Variants in MUC5AC observed in about 807,000 individuals in gnomAD.
MUC5AC encodes mucin-5AC.
In MUC5AC, 158 loss-of-function variants were observed where a neutral mutation model predicts 169.7. That is an observed-to-expected ratio of 0.93 (90% CI 0.82 to 1.06). MUC5AC has a LOEUF of 1.06. Among genes scored for constraint, MUC5AC ranks in the 50% least tolerant of loss-of-function variants. The probability of loss-of-function intolerance (pLI) is 0.00; values close to 1 mark genes in which losing one functional copy is unlikely to be tolerated. For synonymous variants in MUC5AC, 1,975 were observed against 1,237.0 expected, an observed-to-expected ratio of 1.60 and a Z score of -12.52; for missense variants, 4,359 against 3,089.9, an observed-to-expected ratio of 1.41 and a Z score of -9.74.
Position 1,192,277 on chromosome 11 carries a change from C to G in MUC5AC, c.14132C>G (p.Pro4711Arg), listed in dbSNP as rs1861137207. The G allele has an allele frequency of 9.1e-6, 7 of 765,102 alleles. No homozygotes were observed. The highest frequency in any genetic ancestry group is 1.7e-5 in the Non-Finnish European group (7 of 417,894). 47.4% of individuals were successfully genotyped at this position (765,102 alleles called of 1,614,324 possible). ...LVCRNQDQQG[P>R]FKMCLNYEVR... ...TGCCGGAACCAGGACCAGCAGGGAC[C>G]CTTCAAGATGTGCCTCAACTACGAG... The change falls in exon 31 of 49, where the codon CCC becomes CGC. Residue 4711 changes from proline to arginine, a missense_variant. Coordinates refer to ENST00000621226, the MANE Select transcript of MUC5AC (RefSeq NM_001304359.2).
At chr11:1,164,350 C>T (rs1860239643) in intron 8 of MUC5AC, 31 bp downstream of exon 8, 5 of 1,611,978 alleles carry the variant, frequency 3.1e-6, no homozygotes, top group Non-Finnish European at 4.2e-6. Flanking sequence ...TCCCCCAACC[C>T]CTTTGGCAGG....
chr11:1,199,035 T>C, intron 44 of MUC5AC, 39 bp downstream of exon 44: 1 of 763,220 alleles, frequency 1.3e-6, no homozygotes, highest in Non-Finnish European at 2.4e-6. Context: ...GCCCTGGCTC[T>C]TGGGGGGCAG....
chr11:1,194,058 C>A (rs1041457280), intron 33 of MUC5AC, 52 bp from the exon 34 acceptor site: 41 of 755,528 alleles, frequency 5.4e-5, no homozygotes, highest in Non-Finnish European at 9.7e-5. Flanking sequence ...AGCCCCAGGG[C>A]CATGGTGCCA....
rs757249595 is a variant in MUC5AC at position 1,168,940 on chromosome 11, C to T, written c.1784C>T (p.Ala595Val). Residue 595 changes from alanine (A) to valine (V), a missense_variant, in exon 15 of 49, where the codon GCC becomes GTC. Coordinates refer to ENST00000621226, the MANE Select transcript of MUC5AC (RefSeq NM_001304359.2). ...LSGVVEATAA[A>V]FFNTFKTQAA... ...GGGGTGGTGGAGGCCACCGCTGCGG[C>T]CTTCTTCAACACCTTCAAGACCCAG... 9 of 1,611,714 alleles carry T rather than the reference C, an allele frequency of 5.6e-6. No homozygotes were observed. The South Asian group carries it at 9.9e-5, about 18-fold the overall frequency.
rs1038557606 is a variant in MUC5AC, at chr11:1,181,454, C to T, written c.4004C>T (p.Pro1335Leu). 13 of 385,066 alleles carry T rather than the reference C, an allele frequency of 3.4e-5. No homozygotes were observed. Among genetic ancestry groups the T allele is most frequent in the Admixed American group, 1.4e-4 (3 of 21,536 alleles). The allele number at this position is 385,066 out of a possible 1,614,324, so 23.9% of individuals were successfully genotyped here. A position where few individuals can be genotyped will look rare whatever the true frequency, so the allele number is the denominator to read the frequency against. ...PPTTFSFSTP[P>L]LVVSSTHTPS... ...ACCACCTTCTCCTTCTCCACACCCC[C>T]GCTTGGTAAGGCAAATGTGGCCGAG... is the stretch of plus-strand genomic sequence containing the variant. Residue 1335 changes from proline (P) to leucine (L), a missense_variant, in exon 30 of 49, where the codon CCG becomes CTG. Coordinates refer to ENST00000621226, the MANE Select transcript of MUC5AC (RefSeq NM_001304359.2).
chr11:1,192,091 G>A lies in MUC5AC; in HGVS notation c.13946G>A (p.Gly4649Glu), dbSNP rs1861129508. Reference protein sequence around the residue: ...VDFPSPGPHGGDKETYNNIIR... With the variant: ...VDFPSPGPHGEDKETYNNIIR... ...TTCCCATCCCCTGGACCCCACGGCG[G>A]GGACAAGGAAACCTACAACAACATC... Residue 4649 changes from glycine (G) to glutamate (E), a missense_variant, in exon 31 of 49, where the codon GGG becomes GAG. Coordinates refer to ENST00000621226, the MANE Select transcript of MUC5AC (RefSeq NM_001304359.2). The A allele has an allele frequency of 1.3e-6, 1 of 764,972 alleles. No individual in the cohort carries two copies. The highest frequency in any genetic ancestry group is 1.3e-5 in the South Asian group (1 of 74,630). 47.4% of individuals were successfully genotyped at this position (764,972 alleles called of 1,614,324 possible).
At chr11:1,160,566 C>A in intron 1 of MUC5AC, 46 bp from the exon 2 acceptor site, 3 of 1,549,008 alleles carry the variant, frequency 1.9e-6, no homozygotes, top group South Asian at 2.3e-5. Flanking sequence ...CCTGAGCCCC[C>A]TCAGCCACCC....
rs1370725148 is a variant in MUC5AC, at chr11:1,162,138, C to T, written c.443C>T (p.Thr148Ile). The stretch of plus-strand genomic sequence containing the variant: ...GTGGATGGCGTGGTCATCCAGCTGA[C>T]CAAGGGCTCCGTCCTGGTCAACGGC... ...MKVDGVVIQLTKGSVLVNGHP... is the reference protein window; with the variant it reads ...MKVDGVVIQLIKGSVLVNGHP... Residue 148 changes from threonine (T) to isoleucine (I), a missense_variant, in exon 4 of 49, where the codon ACC (threonine) becomes ATC (isoleucine). Physicochemically the swap from Thr to Ile is moderately conservative, Grantham distance 89. Transcript: ENST00000621226. 2 of 1,612,558 alleles carry T rather than the reference C, an allele frequency of 1.2e-6. No homozygotes were observed. Among genetic ancestry groups the T allele is most frequent in the Non-Finnish European group, 1.7e-6 (2 of 1,179,840 alleles).
At position 1,162,159 on chromosome 11, in the gene MUC5AC, A is replaced by G; in HGVS notation, c.464A>G (p.Asn155Ser). 1.2e-6 allele frequency: 2 copies of G among 1,610,152 alleles called. No individual in the cohort carries two copies. Among genetic ancestry groups the G allele is most frequent in the Non-Finnish European group, 8.5e-7 (1 of 1,178,006 alleles). Reference protein sequence around the residue: ...IQLTKGSVLVNGHPVLLPFSQ... With the variant: ...IQLTKGSVLVSGHPVLLPFSQ... ...CTGACCAAGGGCTCCGTCCTGGTCA[A>G]CGGCCACCCGTGAGTCTGGGTTCTG... The change falls in exon 4 of 49, where the codon AAC (asparagine) becomes AGC (serine). Residue 155 changes from asparagine to serine, a missense_variant. Physicochemically the swap from Asn to Ser is conservative, Grantham distance 46. Coordinates refer to ENST00000621226, the MANE Select transcript of MUC5AC (RefSeq NM_001304359.2).
rs1360011816 is a variant in MUC5AC at position 1,200,516 on chromosome 11, C to A, written c.16779C>A (p.Thr5593=). ...TGCGGACCTCGCTGAGGAATGTGAC[C>A]CTGCACTGCACCGACGGCTCCAGCC... ...QELRTSLRNV[T]LHCTDGSSRA... is the part of the protein sequence containing the mutation. The change falls in exon 49 of 49, where the codon ACC becomes ACA. Residue 5593 remains threonine, a synonymous_variant. Coordinates refer to ENST00000621226, the MANE Select transcript of MUC5AC (RefSeq NM_001304359.2). 1 of 758,774 alleles carries A rather than the reference C, an allele frequency of 1.3e-6. No individual in the cohort carries two copies. The highest frequency in any genetic ancestry group is 2.4e-6 in the Non-Finnish European group (1 of 415,132). 47.0% of individuals were successfully genotyped at this position (758,774 alleles called of 1,614,324 possible). A position where few individuals can be genotyped will look rare whatever the true frequency, so the allele number is the denominator to read the frequency against.
At chr11:1,171,924 C>CACTCACCTACTCACTT (rs1239350916) in intron 15 of MUC5AC, among the ~76,000 whole-genome samples, 1 of 149,068 alleles carries the variant, frequency 6.7e-6, no homozygotes, top group South Asian at 2.2e-4. Context: ...CCTACTCACT[C>CACTCACCTACTCACTT]ACTCACTCAT....
intron 1 of MUC5AC, among the ~76,000 whole-genome samples, chr11:1,159,816 C>T (rs1178820739): frequency 1.7e-5 from 1 of 58,034 alleles, no homozygotes; most frequent in South Asian, 6.9e-4. Flanking sequence ...CAGGGCTGTG[C>T]AGGGCTGGCG....
intron 15 of MUC5AC, among the ~76,000 whole-genome samples, chr11:1,170,122 C>A (rs1860459508): frequency 2.5e-5 from 3 of 118,260 alleles, no homozygotes; most frequent in Non-Finnish European, 3.5e-5. Context: ...CACCCATTCA[C>A]CCATTCACTC....
chr11:1,194,080 A>T (rs1861194092), intron 33 of MUC5AC, 30 bp from the exon 34 acceptor site: 2 of 759,992 alleles, frequency 2.6e-6, no homozygotes, highest in Non-Finnish European at 4.8e-6. Flanking sequence ...CACCCGAGCC[A>T]CCCGTAAGGC....
chr11:1,189,560 C>A lies in MUC5AC; in HGVS notation c.11415C>A (p.Thr3805=), dbSNP rs1465697995. Residue 3805 remains threonine (T), a synonymous_variant, in exon 31 of 49, where the codon ACC becomes ACA. Coordinates refer to ENST00000621226, the MANE Select transcript of MUC5AC (RefSeq NM_001304359.2). Reference sequence around the variant, plus strand: ...CCAGCACAACCTCCACTCCACAGACCAGCACAATCTCTTCCCCTACAACCA... The same window carrying A: ...CCAGCACAACCTCCACTCCACAGACAAGCACAATCTCTTCCCCTACAACCA... ...PTTSTTSTPQ[T]STISSPTTST... 141 of 609,650 alleles carry A rather than the reference C, an allele frequency of 2.3e-4. No individual in the cohort carries two copies. The African/African-American group carries it at 2.4e-3, about 10-fold the overall frequency. The allele number at this position is 609,650 out of a possible 1,614,324, so 37.8% of individuals were successfully genotyped here. A position where few individuals can be genotyped will look rare whatever the true frequency, so the allele number is the denominator to read the frequency against.
Position 1,197,548 on chromosome 11 carries a change from C to T in MUC5AC, c.15942C>T (p.Leu5314=). The change falls in exon 41 of 49, where the codon CTC becomes CTT. Residue 5314 remains leucine (L), a synonymous_variant. Coordinates refer to ENST00000621226, the MANE Select transcript of MUC5AC (RefSeq NM_001304359.2). ...GGACGCTGACCTGCCGACCCAAGCT[C>T]TGCCCGCTGCCCCCTGCCTGCCCCC... ...ATWTLTCRPK[L]CPLPPACPLP... is the part of the protein sequence containing the mutation. 2 of 716,400 alleles carry T rather than the reference C, an allele frequency of 2.8e-6. No individual in the cohort carries two copies. Among genetic ancestry groups the T allele is most frequent in the Non-Finnish European group, 5.1e-6 (2 of 394,098 alleles). The allele number at this position is 716,400 out of a possible 1,614,324, so 44.4% of individuals were successfully genotyped here.
rs781481030 is a variant in MUC5AC at position 1,165,257 on chromosome 11, G to A, written c.1130-45G>A. On this transcript the variant is annotated intron_variant, in intron 9 of 48. Coordinates refer to ENST00000621226, the MANE Select transcript of MUC5AC (RefSeq NM_001304359.2). ...GTTGTTCCCCTGCAACGCCCACTGC[G>A]TGGACACAGCAGGCGCCCGTCATAG... The A allele has an allele frequency of 5.6e-5, 87 of 1,561,096 alleles. 1 individual carries two copies. The highest frequency in any genetic ancestry group is 1.0e-4 in the South Asian group (9 of 87,582).
intron 36 of MUC5AC, 76 bp downstream of exon 36, chr11:1,195,355 G>A: frequency 1.4e-6 from 1 of 719,028 alleles, no homozygotes; most frequent in Non-Finnish European, 2.6e-6. Flanking sequence ...TGGAGGGGAA[G>A]AAGCGCATTT....
At chr11:1,178,171 T>C (rs1177129587) in intron 24 of MUC5AC, among the ~76,000 whole-genome samples, 2 of 152,212 alleles carry the variant, frequency 1.3e-5, no homozygotes, top group Admixed American at 1.3e-4. Context: ...CTTAGGCGGG[T>C]CCTTCGAGGC....
Sources: allele counts gnomAD v4.1 joint callset (sites outside exome capture counted in the v4.1 genomes callset), GRCh38; gene constraint gnomAD v4.1.1; transcripts MANE v1.5; gene names NCBI Gene and HGNC (gene_info 2026-07-23, HGNC 2026-07-21).